CCSER2: variants seen among roughly 807,000 people sequenced by gnomAD.
CCSER2 encodes the protein serine-rich coiled-coil domain-containing protein 2.
A neutral mutation model predicts 92.3 loss-of-function variants in CCSER2; 46 were observed. The observed-to-expected ratio is 0.50, with a 90% CI of 0.39 to 0.64. The LOEUF (loss-of-function observed/expected upper bound fraction) is 0.64, where lower values mean the gene tolerates loss of function less well. Among genes scored for constraint, CCSER2 ranks in the 30% least tolerant of loss-of-function variants. CCSER2 has a pLI of 0.00. For missense variants in CCSER2, 1,244 were observed against 1,238.9 expected (o/e 1.00, Z -0.06); for synonymous variants, 433 against 431.4 (o/e 1.00, Z -0.04).
At chr10:84,451,825 C>T (rs1005294547) in intron 6 of CCSER2, among the ~76,000 whole-genome samples, 1 of 152,144 alleles carries the variant, frequency 6.6e-6, no homozygotes, top group Non-Finnish European at 1.5e-5. Flanking sequence ...TTTGCCCTGA[C>T]CATCTGTGAG....
intron 3 of CCSER2, among the ~76,000 whole-genome samples, chr10:84,396,184 A>ACT (rs1168826229): frequency 3.4e-5 from 3 of 88,898 alleles, no homozygotes; most frequent in Non-Finnish European, 6.2e-5. Context: ...GTTATTCAAC[A>ACT]CTGTGTGTGT....
chr10:84,351,893 A>G (rs1169779563), intron 1 of CCSER2, among the ~76,000 whole-genome samples: 3 of 152,174 alleles, frequency 2.0e-5, no homozygotes, highest in Non-Finnish European at 4.4e-5. Context: ...GGGCAGATAT[A>G]TGTATTGGGT....
chr10:84,437,371 A>T (rs1844235872), intron 5 of CCSER2, among the ~76,000 whole-genome samples: 1 of 152,082 alleles, frequency 6.6e-6, no homozygotes, highest in South Asian at 2.1e-4. Context: ...TACAAAAATT[A>T]GGCATGATGG....
At chr10:84,391,627 G>T in intron 3 of CCSER2, 1 of 1,532,622 alleles carries the variant, frequency 6.5e-7, no homozygotes, top group Admixed American at 1.7e-5. Flanking sequence ...CTATGGTGTT[G>T]CACTAGCTTG....
intron 6 of CCSER2, among the ~76,000 whole-genome samples, chr10:84,460,954 C>T (rs1479675673): frequency 1.3e-5 from 2 of 151,896 alleles, no homozygotes; most frequent in Non-Finnish European, 2.9e-5. Context: ...TTTTAATTTT[C>T]AGTTTCATTA....
Position 84,372,206 on chromosome 10 carries a change from C to G in CCSER2, c.1154C>G (p.Ala385Gly), listed in dbSNP as rs1262774770. Residue 385 changes from alanine (A) to glycine (G), a missense_variant, in exon 2 of 10, where the codon GCT (alanine) becomes GGT (glycine). Physicochemically the swap from Ala to Gly is moderately conservative, Grantham distance 60 (BLOSUM62 0). Coordinates refer to ENST00000372088, the MANE Select transcript of CCSER2 (RefSeq NM_001284240.2). Reference sequence around the variant, plus strand: ...AACAACCAGACCATGAAACATGATGCTAAAATGAGATACCTGAGTGATGAT... The same window carrying G: ...AACAACCAGACCATGAAACATGATGGTAAAATGAGATACCTGAGTGATGAT... The part of the protein sequence containing the change: ...TKNNQTMKHD[A>G]KMRYLSDDVD... The G allele has an allele frequency of 6.2e-7, 1 of 1,613,522 alleles. No individual in the cohort carries two copies. Among genetic ancestry groups the G allele is most frequent in the South Asian group, 1.1e-5 (1 of 91,058 alleles).
At chr10:84,368,416 A>G (rs993165913) in intron 1 of CCSER2, among the ~76,000 whole-genome samples, 4 of 152,046 alleles carry the variant, frequency 2.6e-5, no homozygotes, top group African/African-American at 9.7e-5. Flanking sequence ...ATATATATAT[A>G]TATCTCTTAG....
intron 3 of CCSER2, among the ~76,000 whole-genome samples, chr10:84,387,188 T>C (rs1474546840): frequency 6.6e-6 from 1 of 152,194 alleles, no homozygotes; most frequent in Non-Finnish European, 1.5e-5. Flanking sequence ...TTCTTAATGC[T>C]CCCATCTATT....
chr10:84,380,140 A>C (rs535151014), intron 3 of CCSER2, among the ~76,000 whole-genome samples: 1 of 152,368 alleles, frequency 6.6e-6, no homozygotes, highest in South Asian at 2.1e-4. Context: ...GTCACTTATC[A>C]TCTGAACCCC....
chr10:84,472,321 C>A (rs1846860373), intron 8 of CCSER2, among the ~76,000 whole-genome samples: 1 of 152,044 alleles, frequency 6.6e-6, no homozygotes, highest in Non-Finnish European at 1.5e-5. Flanking sequence ...GTAATCCGAG[C>A]ACTTTGGGAG....
At chr10:84,483,345 A>G (rs377641757) in intron 9 of CCSER2, among the ~76,000 whole-genome samples, 52 of 151,088 alleles carry the variant, frequency 3.4e-4, no homozygotes, top group South Asian at 2.7e-3. Flanking sequence ...GTGAGCTGAG[A>G]TTGCACAATT....
chr10:84,388,561 C>T lies in CCSER2; in HGVS notation c.1614+14746C>T, dbSNP rs561642191. Among the ~76,000 whole-genome samples, 12 of 152,224 alleles carry T rather than the reference C, an allele frequency of 7.9e-5. No homozygotes were observed. The East Asian group carries it at 2.1e-3, about 27-fold the overall frequency. On this transcript the variant is annotated intron_variant, in intron 3 of 9. Coordinates refer to ENST00000372088, the MANE Select transcript of CCSER2 (RefSeq NM_001284240.2). The stretch of plus-strand genomic sequence containing the variant: ...AAGTACAAATGACTCCCTCCCACCC[C>T]CTTGAGCCATTTGCACATAAGCTTC...
At chr10:84,441,742 T>TAA (rs1564667570) in intron 6 of CCSER2, among the ~76,000 whole-genome samples, 1 of 23,024 alleles carries the variant, frequency 4.3e-5, no homozygotes, top group Non-Finnish European at 7.9e-5. Flanking sequence ...AAATGTTTTT[T>TAA]TTTTTTTTTT....
chr10:84,420,804 G>A (rs1195431330), intron 4 of CCSER2, among the ~76,000 whole-genome samples: 15 of 151,924 alleles, frequency 9.9e-5, no homozygotes, highest in Admixed American at 8.5e-4. Context: ...GTGGAGGCAC[G>A]TGCCTGTAGT....
At chr10:84,454,328 C>T (rs922322539) in intron 6 of CCSER2, among the ~76,000 whole-genome samples, 2 of 152,086 alleles carry the variant, frequency 1.3e-5, no homozygotes, top group Admixed American at 6.6e-5. Flanking sequence ...ACCCTAATCC[C>T]GTGTGAACTC....
intron 9 of CCSER2, among the ~76,000 whole-genome samples, chr10:84,494,654 G>T (rs1848347874): frequency 6.6e-6 from 1 of 152,160 alleles, no homozygotes; most frequent in African/African-American, 2.4e-5. Flanking sequence ...TGGCTTAATA[G>T]GGGTGATGAT....
intron 1 of CCSER2, among the ~76,000 whole-genome samples, chr10:84,364,861 CCTCCCGAGTAG>C (rs1564600893): frequency 6.6e-6 from 1 of 151,154 alleles, no homozygotes; most frequent in Non-Finnish European, 1.5e-5. Context: ...TGTGCCTCAG[CCTCCCGAGTAG>C]CTCAGATTAC....
At chr10:84,436,893 T>C (rs1398988066) in intron 5 of CCSER2, among the ~76,000 whole-genome samples, 1 of 152,186 alleles carries the variant, frequency 6.6e-6, no homozygotes, top group East Asian at 1.9e-4. Context: ...TGGGAATATT[T>C]GTTAAAAGCT....
intron 9 of CCSER2, among the ~76,000 whole-genome samples, chr10:84,485,241 A>G (rs1277798919): frequency 6.6e-6 from 1 of 152,158 alleles, no homozygotes; most frequent in Non-Finnish European, 1.5e-5. Context: ...CTTCTGTGCC[A>G]TTTTATAACT....
Sources: allele counts gnomAD v4.1 joint callset (sites outside exome capture counted in the v4.1 genomes callset), GRCh38; gene constraint gnomAD v4.1.1; transcripts MANE v1.5; gene names NCBI Gene and HGNC (gene_info 2026-07-23, HGNC 2026-07-21).